Variants in RAB2B observed in about 807,000 individuals in gnomAD.
RAB2B encodes ras-related protein Rab-2B.
A neutral mutation model predicts 29.8 loss-of-function variants in RAB2B; 20 were observed. The observed-to-expected ratio is 0.67, with a 90% CI of 0.47 to 0.97. The LOEUF (loss-of-function observed/expected upper bound fraction) is 0.97, where lower values mean the gene tolerates loss of function less well. RAB2B is among the 50% of genes least tolerant of loss of function. RAB2B has a pLI of 0.00. For missense variants in RAB2B, 218 were observed against 272.0 expected, an observed-to-expected ratio of 0.80 and a Z score of 1.40; for synonymous variants, 93 against 91.7, an observed-to-expected ratio of 1.01 and a Z score of -0.08.
intron 3 of RAB2B, among the ~76,000 whole-genome samples, chr14:21,470,085 T>C (rs773590965): frequency 3.9e-5 from 6 of 151,916 alleles, no homozygotes; most frequent in Non-Finnish European, 8.8e-5. Context: ...CCCAATTAGC[T>C]GGGATTACAG....
intron 3 of RAB2B, among the ~76,000 whole-genome samples, chr14:21,471,493 C>G (rs1046911869): frequency 4.2e-4 from 64 of 151,756 alleles, no homozygotes; most frequent in Non-Finnish European, 3.4e-4. Context: ...TGGCACACAT[C>G]TGTAGTCCCA....
chr14:21,466,977 G>T (rs1890701024), intron 5 of RAB2B, among the ~76,000 whole-genome samples: 1 of 152,034 alleles, frequency 6.6e-6, no homozygotes, highest in Non-Finnish European at 1.5e-5. Context: ...CACTATCTCA[G>T]CTCACTGCAA....
At chr14:21,475,823 C>G (rs1002027231) in intron 2 of RAB2B, among the ~76,000 whole-genome samples, 22 of 152,166 alleles carry the variant, frequency 1.4e-4, no homozygotes, top group African/African-American at 5.1e-4. Context: ...GGTTTCCATA[C>G]AGGTGGGACT....
intron 3 of RAB2B, among the ~76,000 whole-genome samples, chr14:21,469,756 A>G (rs1890762374): frequency 6.6e-6 from 1 of 152,140 alleles, no homozygotes; most frequent in Non-Finnish European, 1.5e-5. Context: ...AATCATGATT[A>G]AGGATGTGGG....
rs188621161 is a variant in RAB2B at position 21,467,024 on chromosome 14, A to G, written c.362+1333T>C. 3.7e-3 allele frequency among the ~76,000 whole-genome samples: 557 copies of G among 152,058 alleles called. 1 individual carries two copies. Among genetic ancestry groups the G allele is most frequent in the Non-Finnish European group, 5.3e-3 (362 of 67,976 alleles). ...CGAGTTCAAGCAATTCTCCTGCCTCAAGCTCCCAAATAGCTGGGACTAGAG... is the reference window on the plus strand; with the variant it reads ...CGAGTTCAAGCAATTCTCCTGCCTCGAGCTCCCAAATAGCTGGGACTAGAG... On this transcript the variant is annotated intron_variant, in intron 5 of 7. Transcript: ENST00000397762.
chr14:21,471,655 C>T lies in RAB2B; in HGVS notation c.187-2903G>A, dbSNP rs549600261. Among the ~76,000 whole-genome samples, 15 of 142,610 alleles carry T rather than the reference C, an allele frequency of 1.1e-4. No homozygotes were observed. In the South Asian group the frequency reaches 1.3e-3, roughly 13 times the overall value. 93.6% of individuals were successfully genotyped at this position (142,610 alleles called of 152,430 possible). A position where few individuals can be genotyped will look rare whatever the true frequency, so the allele number is the denominator to read the frequency against. ...AAGAAAAGAAAAGATGCAGCAGCAA[C>T]GAACTAAGATGAAGGTTTTTTTTTC... On this transcript the variant is annotated intron_variant, in intron 3 of 7. Transcript: ENST00000397762.
At chr14:21,476,497 C>A in intron 2 of RAB2B, 31 bp downstream of exon 2, 1 of 1,612,986 alleles carries the variant, frequency 6.2e-7, no homozygotes, top group Non-Finnish European at 8.5e-7. Context: ...CAGGTTTTAT[C>A]ATCTGTTCTG....
rs1432287514 is a variant in RAB2B, at chr14:21,468,399, T to C, written c.320A>G (p.His107Arg). 1.2e-6 allele frequency: 2 copies of C among 1,614,000 alleles called. No homozygotes were observed. Among genetic ancestry groups the C allele is most frequent in the Admixed American group, 1.7e-5 (1 of 59,992 alleles). Residue 107 changes from histidine (H) to arginine (R), a missense_variant, in exon 5 of 8, where the codon CAC becomes CGC. By Grantham distance (29) the His-to-Arg change is conservative (BLOSUM62 0). Transcript: ENST00000397762. ...CATGATAACCATGTTGGAACTAGAGTGCTGCCGGGCATCCTCTAACCATGA... is the reference window on the plus strand; with the variant it reads ...CATGATAACCATGTTGGAACTAGAGCGCTGCCGGGCATCCTCTAACCATGA... Reference protein sequence around the residue: ...LTSWLEDARQHSSSNMVIMLI... With the variant: ...LTSWLEDARQRSSSNMVIMLI...
intron 3 of RAB2B, among the ~76,000 whole-genome samples, chr14:21,472,527 G>C (rs952159741): frequency 2.0e-5 from 3 of 152,140 alleles, no homozygotes; most frequent in African/African-American, 7.2e-5. Flanking sequence ...CAGACTAGAT[G>C]GACACATTAT....
In RAB2B at chr14:21,468,408, G is replaced by T. The variant is rs1485327382; in HGVS notation, c.311C>A (p.Ala104Asp). The change falls in exon 5 of 8, where the codon GCC (alanine) becomes GAC (aspartate). Residue 104 changes from alanine to aspartate, a missense_variant. By Grantham distance (126) the Ala-to-Asp change is moderately radical (BLOSUM62 -2). Coordinates refer to ENST00000397762, the MANE Select transcript of RAB2B (RefSeq NM_032846.4). ...FNHLTSWLED[A>D]RQHSSSNMVI... Reference sequence around the variant, plus strand: ...CATGTTGGAACTAGAGTGCTGCCGGGCATCCTCTAACCATGAGGTCAGGTG... The same window carrying T: ...CATGTTGGAACTAGAGTGCTGCCGGTCATCCTCTAACCATGAGGTCAGGTG... The T allele has an allele frequency of 6.2e-7, 1 of 1,613,748 alleles. No individual in the cohort carries two copies. The highest frequency in any genetic ancestry group is 1.7e-5 in the Admixed American group (1 of 59,976).
intron 6 of RAB2B, among the ~76,000 whole-genome samples, chr14:21,462,732 C>T (rs751075216): frequency 6.7e-6 from 1 of 149,950 alleles, no homozygotes; most frequent in African/African-American, 2.5e-5. Flanking sequence ...TCCAGTTACT[C>T]GGGGGCCAAG....
rs10135371 is a variant in RAB2B at position 21,471,899 on chromosome 14, C to G, written c.186+2968G>C. On this transcript the variant is annotated intron_variant, in intron 3 of 7. Transcript: ENST00000397762. ...CCATGTTGGCCAGGCTAGTCTCAAA[C>G]TCCTGACCTCAGGTGATCCGCCTGC... 3.8e-3 allele frequency among the ~76,000 whole-genome samples: 576 copies of G among 152,186 alleles called. 1 individual carries two copies. The highest frequency in any genetic ancestry group is 0.013 in the African/African-American group (558 of 41,534).
chr14:21,467,170 G>C (rs1890705859), intron 5 of RAB2B, among the ~76,000 whole-genome samples: 1 of 150,948 alleles, frequency 6.6e-6, no homozygotes, highest in Non-Finnish European at 1.5e-5. Context: ...GCCTCCCAAA[G>C]TGCTAGGATT....
chr14:21,466,222 C>T (rs1160732265), intron 5 of RAB2B, among the ~76,000 whole-genome samples: 5 of 152,086 alleles, frequency 3.3e-5, no homozygotes, highest in South Asian at 2.1e-4. Context: ...TGGTGGCTCA[C>T]GCCTGTAATC....
intron 5 of RAB2B, among the ~76,000 whole-genome samples, chr14:21,467,189 G>A (rs1286957380): frequency 6.6e-6 from 1 of 151,990 alleles, no homozygotes; most frequent in East Asian, 1.9e-4. Flanking sequence ...TTACGGGCTT[G>A]AGCCACCACG....
Position 21,474,949 on chromosome 14 carries a change from C to A in RAB2B, c.119-15G>T, listed in dbSNP as rs746236472. On this transcript the variant is annotated splice_polypyrimidine_tract_variant and intron_variant, in intron 2 of 7. Coordinates refer to ENST00000397762, the MANE Select transcript of RAB2B (RefSeq NM_032846.4). ...AAACTCCACACCTGTCGGTAAAGACCGAGAGAAAGAATGTGATTCTCACGA... is the reference window on the plus strand; with the variant it reads ...AAACTCCACACCTGTCGGTAAAGACAGAGAGAAAGAATGTGATTCTCACGA... The A allele has an allele frequency of 1.2e-6, 2 of 1,612,152 alleles. No homozygotes were observed. The highest frequency in any genetic ancestry group is 2.2e-5 in the East Asian group (1 of 44,880).
intron 6 of RAB2B, 58 bp downstream of exon 6, chr14:21,463,598 A>G: frequency 8.4e-7 from 1 of 1,191,362 alleles, no homozygotes; most frequent in East Asian, 2.3e-5. Context: ...TTCTGAATAC[A>G]AGGACAAATA....
In RAB2B at chr14:21,462,190, T is replaced by C. The variant is rs1005614480; in HGVS notation, c.543+160A>G. Among the ~76,000 whole-genome samples, 2 of 147,094 alleles carry C rather than the reference T, an allele frequency of 1.4e-5. No individual in the cohort carries two copies. Among genetic ancestry groups the C allele is most frequent in the Non-Finnish European group, 3.0e-5 (2 of 67,426 alleles). The stretch of plus-strand genomic sequence containing the variant: ...AACAGAAAATGATGACAGGTCTCTG[T>C]GTACCTAGATTTAAAAAAAAAAAAA... On this transcript the variant is annotated intron_variant, in intron 7 of 7. Transcript: ENST00000397762.
At chr14:21,468,265 G>A (rs1302511361) in intron 5 of RAB2B, 92 bp downstream of exon 5, 2 of 943,722 alleles carry the variant, frequency 2.1e-6, no homozygotes, top group Non-Finnish European at 3.2e-6. Context: ...GAAACACTAA[G>A]ACCACTATAA....
Sources: allele counts gnomAD v4.1 joint callset (sites outside exome capture counted in the v4.1 genomes callset), GRCh38; gene constraint gnomAD v4.1.1; transcripts MANE v1.5; gene names NCBI Gene and HGNC (gene_info 2026-07-23, HGNC 2026-07-21).